NUMB: variants seen among roughly 807,000 people sequenced by gnomAD.
NUMB encodes protein numb homolog.
A neutral mutation model predicts 59.7 loss-of-function variants in NUMB; 29 were observed. The ratio of observed to expected loss-of-function variants is 0.49; its 90% confidence interval spans 0.36 to 0.66. NUMB has a LOEUF of 0.66. Among genes scored for constraint, NUMB ranks in the 30% least tolerant of loss-of-function variants. The probability of loss-of-function intolerance (pLI) is 0.00; values close to 1 mark genes in which losing one functional copy is unlikely to be tolerated. For synonymous variants in NUMB, 288 were observed against 288.2 expected, an observed-to-expected ratio of 1.00 and a Z score of 0.01; for missense variants, 723 against 822.0, an observed-to-expected ratio of 0.88 and a Z score of 1.47.
At chr14:73,334,821 C>T (rs531263203) in intron 4 of NUMB, among the ~76,000 whole-genome samples, 3 of 151,858 alleles carry the variant, frequency 2.0e-5, no homozygotes, top group South Asian at 2.1e-4. Flanking sequence ...TGGTGGTGGG[C>T]GCCTGTAATC....
chr14:73,365,078 C>T (rs576932032), intron 3 of NUMB, among the ~76,000 whole-genome samples: 2 of 152,212 alleles, frequency 1.3e-5, no homozygotes, highest in African/African-American at 4.8e-5. Context: ...CTCGCTGTGT[C>T]ACCCAGGCTG....
chr14:73,288,086 A>C (rs1889134026), intron 8 of NUMB, among the ~76,000 whole-genome samples: 1 of 152,224 alleles, frequency 6.6e-6, no homozygotes, highest in Non-Finnish European at 1.5e-5. Flanking sequence ...TGCAAACTTA[A>C]AACTTCTGAT....
chr14:73,424,419 C>G (rs1006159299), intron 1 of NUMB, among the ~76,000 whole-genome samples: 7 of 152,064 alleles, frequency 4.6e-5, no homozygotes, highest in Non-Finnish European at 4.4e-5. Context: ...AATGTATAAC[C>G]ATTAAGAACT....
At chr14:73,321,791 T>C (rs1891417837) in intron 5 of NUMB, among the ~76,000 whole-genome samples, 1 of 152,196 alleles carries the variant, frequency 6.6e-6, no homozygotes. Context: ...AAATCTGAGA[T>C]AAAGAGTATG....
intron 3 of NUMB, among the ~76,000 whole-genome samples, chr14:73,365,985 A>C (rs1894326988): frequency 6.6e-6 from 1 of 152,208 alleles, no homozygotes; most frequent in South Asian, 2.1e-4. Context: ...GCAAGTGATA[A>C]AACGCTGCCA....
At chr14:73,295,547 C>T (rs1339332430) in intron 7 of NUMB, among the ~76,000 whole-genome samples, 1 of 152,032 alleles carries the variant, frequency 6.6e-6, no homozygotes, top group African/African-American at 2.4e-5. Context: ...AAAGTGAAGA[C>T]TATTGCTTCT....
intron 3 of NUMB, among the ~76,000 whole-genome samples, chr14:73,365,879 A>G (rs1182693007): frequency 9.2e-5 from 14 of 152,222 alleles, no homozygotes; most frequent in Admixed American, 9.2e-4. Context: ...TGATCAGTTC[A>G]TGGCTGAGTT....
chr14:73,278,527 A>T (rs1445797081), intron 12 of NUMB, among the ~76,000 whole-genome samples: 1 of 152,054 alleles, frequency 6.6e-6, no homozygotes, highest in East Asian at 1.9e-4. Context: ...CTCCAAAAAA[A>T]AAAAACTTTT....
At chr14:73,426,828 CAG>C (rs1397138383) in intron 1 of NUMB, among the ~76,000 whole-genome samples, 1 of 151,416 alleles carries the variant, frequency 6.6e-6, no homozygotes, top group Non-Finnish European at 1.5e-5. Context: ...GCCTGGGGGA[CAG>C]AGCGAGACTC....
intron 2 of NUMB, among the ~76,000 whole-genome samples, chr14:73,383,628 T>C (rs1359091633): frequency 6.6e-6 from 1 of 152,080 alleles, no homozygotes; most frequent in African/African-American, 2.4e-5. Flanking sequence ...ACCTGAAACA[T>C]CTTAAATGAT....
intron 6 of NUMB, among the ~76,000 whole-genome samples, chr14:73,300,546 G>A (rs1435536453): frequency 6.6e-6 from 1 of 152,104 alleles, no homozygotes; most frequent in Non-Finnish European, 1.5e-5. Context: ...TTGAATTCTG[G>A]TTCTGCAAGT....
At chr14:73,340,380 G>A (rs146684606) in intron 4 of NUMB, among the ~76,000 whole-genome samples, 1 of 152,154 alleles carries the variant, frequency 6.6e-6, no homozygotes, top group East Asian at 1.9e-4. Flanking sequence ...GGCAAACTGC[G>A]CCATCTGGCC....
intron 3 of NUMB, among the ~76,000 whole-genome samples, chr14:73,363,780 C>T (rs1246275853): frequency 6.6e-6 from 1 of 152,100 alleles, no homozygotes; most frequent in Non-Finnish European, 1.5e-5. Flanking sequence ...AAGACCTCAT[C>T]TCTACTAAAA....
chr14:73,349,646 G>A lies in NUMB; in HGVS notation c.126+5980C>T, dbSNP rs1405311233. 3.3e-5 allele frequency among the ~76,000 whole-genome samples: 5 copies of A among 151,230 alleles called. No homozygotes were observed. In the South Asian group the frequency reaches 6.2e-4, roughly 19 times the overall value. On this transcript the variant is annotated intron_variant, in intron 4 of 12. Coordinates refer to ENST00000555238, the MANE Select transcript of NUMB (RefSeq NM_001005743.2). The stretch of plus-strand genomic sequence containing the variant: ...TGTAATCCCAGCACTTTGGGAGGCC[G>A]AGACGGGTGGATCACGAGGCCAGGA...
intron 8 of NUMB, among the ~76,000 whole-genome samples, chr14:73,291,037 G>A (rs177372): frequency 0.076 from 11,489 of 151,280 alleles, 1,042 homozygotes; most frequent in African/African-American, 0.21. Context: ...AATTTCTAGC[G>A]TTGTTCATTC....
At chr14:73,355,528 T>A (rs976458114) in intron 4 of NUMB, 98 bp downstream of exon 4, 3 of 1,084,796 alleles carry the variant, frequency 2.8e-6, no homozygotes, top group Admixed American at 5.8e-5. Flanking sequence ...ATTTGTTTTT[T>A]GGAAGACTCT....
At chr14:73,277,467 A>G (rs1026531447) in intron 12 of NUMB, among the ~76,000 whole-genome samples, 174 bp from the exon 13 acceptor site, 3 of 152,226 alleles carry the variant, frequency 2.0e-5, no homozygotes, top group African/African-American at 7.2e-5. Context: ...ATTTTGTGGT[A>G]GGATGAAGAA....
intron 2 of NUMB, among the ~76,000 whole-genome samples, chr14:73,372,824 C>A (rs1231613284): frequency 6.6e-6 from 1 of 151,984 alleles, no homozygotes; most frequent in East Asian, 1.9e-4. Flanking sequence ...ATATTCATTT[C>A]ATTATATTTC....
chr14:73,358,637 A>T, intron 3 of NUMB, among the ~76,000 whole-genome samples: 1 of 131,642 alleles, frequency 7.6e-6, no homozygotes, highest in East Asian at 2.1e-4. Flanking sequence ...ACAAGCCCCT[A>T]CCTGGCTTGG....
Sources: gnomAD v4.1 joint callset for allele counts (sites outside exome capture counted in the v4.1 genomes callset) on GRCh38, gnomAD v4.1.1 for gene constraint, MANE v1.5 for transcripts, NCBI Gene and HGNC (gene_info 2026-07-23, HGNC 2026-07-21) for gene names.